Variants in FRYL observed in about 807,000 individuals in gnomAD.
The protein encoded by FRYL is protein furry homolog-like.
Under a neutral mutation model 351.2 loss-of-function variants are expected in FRYL, and 150 were observed. That is an observed-to-expected ratio of 0.43 (90% confidence interval 0.37 to 0.49). The LOEUF (loss-of-function observed/expected upper bound fraction) is 0.49, where lower values mean the gene tolerates loss of function less well. Among genes scored for constraint, FRYL ranks in the 20% least tolerant of loss-of-function variants. The probability of loss-of-function intolerance (pLI) is 0.00; values close to 1 mark genes in which losing one functional copy is unlikely to be tolerated. For missense variants in FRYL, 3,036 were observed against 3,619.3 expected, an observed-to-expected ratio of 0.84 and a Z score of 4.13; for synonymous variants, 1,153 against 1,257.1, an observed-to-expected ratio of 0.92 and a Z score of 1.75.
In FRYL at chr4:48,609,758, A is replaced by G. The variant is rs773639943; in HGVS notation, c.477T>C (p.Phe159=). Residue 159 remains phenylalanine (F), a synonymous_variant, in exon 8 of 64, where the codon TTT becomes TTC. Coordinates refer to ENST00000358350, the MANE Select transcript of FRYL (RefSeq NM_015030.2). ...ATTTTACTTACCCTTCCTTATGTTT[A>G]AAGTGCTTAAAAGCTAAGTTTAGAA... ...HEVLNLAFKH[F]KHKEGYSGTN... 6.4e-7 allele frequency: 1 copy of G among 1,569,824 alleles called. No homozygotes were observed. Among genetic ancestry groups the G allele is most frequent in the South Asian group, 1.2e-5 (1 of 85,210 alleles).
chr4:48,679,823 A>G (rs1764339244), intron 3 of FRYL, among the ~76,000 whole-genome samples: 1 of 152,084 alleles, frequency 6.6e-6, no homozygotes, highest in African/African-American at 2.4e-5. Context: ...CAATTTTAAC[A>G]AATAAAATGT....
chr4:48,635,146 A>G (rs1216162869), intron 3 of FRYL, among the ~76,000 whole-genome samples: 1 of 152,218 alleles, frequency 6.6e-6, no homozygotes, highest in Non-Finnish European at 1.5e-5. Context: ...ATCAGTAGTC[A>G]GGGAGCAAGT....
chr4:48,515,924 C>T (rs1257767076), intron 55 of FRYL, among the ~76,000 whole-genome samples: 1 of 151,986 alleles, frequency 6.6e-6, no homozygotes, highest in Admixed American at 6.6e-5. Flanking sequence ...AATGTCATTG[C>T]TTTCATTACA....
chr4:48,561,018 G>A (rs1735381483), intron 33 of FRYL, among the ~76,000 whole-genome samples: 2 of 152,186 alleles, frequency 1.3e-5, no homozygotes, highest in South Asian at 4.1e-4. Flanking sequence ...AGACTAGAAA[G>A]AGTTTTGCTC....
rs551284393 is a variant in FRYL, at chr4:48,583,103, C to T, written c.1749-369G>A. Among the ~76,000 whole-genome samples the T allele has an allele frequency of 2.2e-4, 34 of 151,802 alleles. No individual in the cohort carries two copies. In the South Asian group the frequency reaches 4.4e-3, roughly 20 times the overall value. ...ATATGCTATCTTAGCACTATCGTCA[C>T]ATTTATTTAATCTTTACTATCACTG... On this transcript the variant is annotated intron_variant, in intron 19 of 63. Transcript: ENST00000358350.
At chr4:48,662,957 A>G (rs1020615613) in intron 3 of FRYL, among the ~76,000 whole-genome samples, 5 of 152,162 alleles carry the variant, frequency 3.3e-5, no homozygotes, top group Admixed American at 3.3e-4. Context: ...ACAAATCTGC[A>G]CTACAAAAAA....
At position 48,498,348 on chromosome 4, in the gene FRYL, C is replaced by G. The variant is rs1577782960; in HGVS notation, c.*1074G>C. ...TCATATATTCCATCATCAATGACCA[C>G]AATTTTTCTTTAGCTTTGTACACCT... On this transcript the variant is annotated 3_prime_UTR_variant, in exon 64 of 64. Coordinates refer to ENST00000358350, the MANE Select transcript of FRYL (RefSeq NM_015030.2). The G allele has an allele frequency of 6.6e-6, 1 of 152,174 alleles. No individual in the cohort carries two copies. The highest frequency in any genetic ancestry group is 1.5e-5 in the Non-Finnish European group (1 of 68,016). The allele number at this position is 152,174 out of a possible 1,614,324, so 9.4% of individuals were successfully genotyped here.
Position 48,515,034 on chromosome 4 carries a change from A to G in FRYL, c.7931T>C (p.Leu2644Pro), listed in dbSNP as rs747779568. The G allele has an allele frequency of 9.3e-6, 15 of 1,613,382 alleles. No homozygotes were observed. The Admixed American group carries it at 1.3e-4, about 14-fold the overall frequency. ...CEEEEADFSG[L>P]SSQDEEEQDG... ...TATGATACTGTATTCTCACCTAGAC[A>G]GTCCGGAGAAATCCGCTTCTTCTTC... Residue 2644 changes from leucine to proline, a missense_variant, in exon 56 of 64, where the codon CTG becomes CCG. Transcript: ENST00000358350.
intron 47 of FRYL, among the ~76,000 whole-genome samples, chr4:48,536,124 C>T (rs142932787): frequency 6.1e-4 from 93 of 152,266 alleles, no homozygotes; most frequent in Non-Finnish European, 3.5e-4. Context: ...GGTGTGAACT[C>T]GGGACATCAT....
chr4:48,701,065 A>G (rs544772562), intron 2 of FRYL, among the ~76,000 whole-genome samples: 1 of 152,226 alleles, frequency 6.6e-6, no homozygotes, highest in Non-Finnish European at 1.5e-5. Context: ...AGTTTTCATT[A>G]GTTAATATTA....
At chr4:48,729,993 T>C (rs780830421) in intron 1 of FRYL, among the ~76,000 whole-genome samples, 5 of 152,040 alleles carry the variant, frequency 3.3e-5, no homozygotes, top group African/African-American at 9.7e-5. Context: ...TGAAAAAAGG[T>C]TAGACGAATG....
chr4:48,778,728 T>C (rs1247038513), intron 1 of FRYL, among the ~76,000 whole-genome samples: 1 of 152,214 alleles, frequency 6.6e-6, no homozygotes, highest in Admixed American at 6.5e-5. Flanking sequence ...TGGTACTAAT[T>C]ATAATGGCTG....
chr4:48,708,484 G>A (rs866554786), intron 2 of FRYL, among the ~76,000 whole-genome samples: 83 of 151,786 alleles, frequency 5.5e-4, no homozygotes, highest in Admixed American at 5.0e-3. Flanking sequence ...CAAACACTGC[G>A]TACTCATTTA....
At chr4:48,628,226 T>C (rs1752232937) in intron 4 of FRYL, among the ~76,000 whole-genome samples, 1 of 152,230 alleles carries the variant, frequency 6.6e-6, no homozygotes, top group African/African-American at 2.4e-5. Context: ...TAGCATTTCT[T>C]TAAAGCAGCC....
intron 1 of FRYL, among the ~76,000 whole-genome samples, chr4:48,778,667 C>T (rs1776284316): frequency 6.6e-6 from 1 of 152,192 alleles, no homozygotes; most frequent in Non-Finnish European, 1.5e-5. Context: ...AGTGATAATG[C>T]TCAAGATGAA....
At chr4:48,716,835 T>C (rs1267732760) in intron 1 of FRYL, among the ~76,000 whole-genome samples, 1 of 151,316 alleles carries the variant, frequency 6.6e-6, no homozygotes, top group African/African-American at 2.4e-5. Flanking sequence ...ATGTTTATTG[T>C]GGCACTATTC....
chr4:48,620,283 C>T (rs1320104945), intron 6 of FRYL, among the ~76,000 whole-genome samples: 2 of 152,156 alleles, frequency 1.3e-5, no homozygotes, highest in African/African-American at 2.4e-5. Flanking sequence ...CAATAATTGC[C>T]TCCCTTCATA....
rs1343390185 is a variant in FRYL at position 48,527,483 on chromosome 4, A to G, written c.7311T>C (p.Asp2437=). 7.4e-6 allele frequency: 12 copies of G among 1,611,136 alleles called. No individual in the cohort carries two copies. Among genetic ancestry groups the G allele is most frequent in the South Asian group, 4.4e-5 (4 of 90,862 alleles). ...AGAAAGCCCACATCCTTACCTCTGC[A>G]TCTTCCAATTCAACATCTAAAAAGT... The part of the protein sequence containing the change: ...DFDFLDVELE[D]AEGESMDNFN... Residue 2437 remains aspartate, a synonymous_variant, in exon 53 of 64, where the codon GAT becomes GAC. Transcript: ENST00000358350.
intron 3 of FRYL, among the ~76,000 whole-genome samples, chr4:48,667,834 G>A (rs1249492402): frequency 6.6e-6 from 1 of 152,160 alleles, no homozygotes; most frequent in African/African-American, 2.4e-5. Context: ...TTTTAGTAGA[G>A]ACAGGATTTC....
Sources: allele counts gnomAD v4.1 joint callset (sites outside exome capture counted in the v4.1 genomes callset), GRCh38; gene constraint gnomAD v4.1.1; transcripts MANE v1.5; gene names NCBI Gene and HGNC (gene_info 2026-07-23, HGNC 2026-07-21).